Variants in ADGRL3 observed in about 807,000 individuals in gnomAD.
The protein encoded by ADGRL3 is calcium-independent alpha-latrotoxin receptor 3.
ADGRL3 carries 62 observed loss-of-function variants against 153.5 expected under a neutral mutation model. The ratio of observed to expected loss-of-function variants is 0.40; its 90% CI spans 0.33 to 0.50. The LOEUF (loss-of-function observed/expected upper bound fraction) is 0.50. ADGRL3 is among the 20% of genes least tolerant of loss of function. ADGRL3 has a pLI of 0.47. For missense variants in ADGRL3, 1,641 were observed against 1,859.4 expected (o/e 0.88, Z 2.16); for synonymous variants, 710 against 672.5 (o/e 1.06, Z -0.86).
chr4:61,810,174 A>C (rs530497875), intron 8 of ADGRL3, among the ~76,000 whole-genome samples: 2 of 152,204 alleles, frequency 1.3e-5, no homozygotes, highest in East Asian at 3.9e-4. Context: ...TTAATGTCTC[A>C]ACACACATGA....
chr4:61,279,730 A>T (rs1374925182), intron 1 of ADGRL3, among the ~76,000 whole-genome samples: 7 of 151,846 alleles, frequency 4.6e-5, no homozygotes, highest in African/African-American at 9.7e-5. Flanking sequence ...TTATGTATAT[A>T]TTTTTTCTCC....
At chr4:61,819,605 A>G (rs1329728261) in intron 9 of ADGRL3, among the ~76,000 whole-genome samples, 2 of 152,124 alleles carry the variant, frequency 1.3e-5, no homozygotes, top group Non-Finnish European at 2.9e-5. Context: ...TAGGAAAATC[A>G]TACTTAATTT....
At chr4:61,856,393 C>A (rs566974972) in intron 9 of ADGRL3, among the ~76,000 whole-genome samples, 7 of 142,480 alleles carry the variant, frequency 4.9e-5, no homozygotes, top group Non-Finnish European at 1.1e-4. Flanking sequence ...TCCTTCCTTT[C>A]TTGGAACTTG....
intron 5 of ADGRL3, among the ~76,000 whole-genome samples, chr4:61,670,443 A>G (rs6551642): frequency 0.99 from 151,186 of 152,266 alleles, 75,072 homozygotes; most frequent in Middle Eastern, 1. Context: ...ACACACAAGT[A>G]TGTTATAATC....
intron 4 of ADGRL3, among the ~76,000 whole-genome samples, chr4:61,557,049 A>G (rs561497790): frequency 6.6e-6 from 1 of 152,318 alleles, no homozygotes; most frequent in East Asian, 1.9e-4. Context: ...AATCTACAGC[A>G]AGATAAAGCC....
intron 1 of ADGRL3, among the ~76,000 whole-genome samples, chr4:61,363,370 G>C (rs1257978767): frequency 6.6e-6 from 1 of 151,282 alleles, no homozygotes; most frequent in Admixed American, 6.6e-5. Flanking sequence ...TAAATATTTG[G>C]TAGAGTTTGT....
At chr4:61,744,688 G>T (rs1252104335) in intron 8 of ADGRL3, among the ~76,000 whole-genome samples, 5 of 152,136 alleles carry the variant, frequency 3.3e-5, no homozygotes, top group African/African-American at 1.2e-4. Flanking sequence ...CAAACAGAAA[G>T]GACATCCACA....
At position 61,892,797 on chromosome 4, in the gene ADGRL3, C is replaced by T. The variant is rs751493984; in HGVS notation, c.1622C>T (p.Ala541Val). Residue 541 changes from alanine to valine, a missense_variant, in exon 10 of 27, where the codon GCT becomes GTT. By Grantham distance (64) the Ala-to-Val change is moderately conservative. Around this residue, in one of 5 missense-constraint regions of ADGRL3, gnomAD observed 734 missense variants for 797.0 expected, o/e 0.92. Coordinates refer to ENST00000683033, the MANE Select transcript of ADGRL3 (RefSeq NM_001387552.1). ...RNRSTSTPSPAVEVLDDMTTH... is the reference protein window; with the variant it reads ...RNRSTSTPSPVVEVLDDMTTH... ...CGGAGTACTAGTACCCCATCTCCAGCTGTCGAGGTACTTGATGACATGACC... is the reference window on the plus strand; with the variant it reads ...CGGAGTACTAGTACCCCATCTCCAGTTGTCGAGGTACTTGATGACATGACC... The T allele has an allele frequency of 1.2e-6, 2 of 1,613,884 alleles. No individual in the cohort carries two copies. Among genetic ancestry groups the T allele is most frequent in the Non-Finnish European group, 1.7e-6 (2 of 1,179,852 alleles).
intron 8 of ADGRL3, among the ~76,000 whole-genome samples, chr4:61,809,384 TA>T (rs1336287487): frequency 2.0e-5 from 3 of 152,146 alleles, no homozygotes; most frequent in Non-Finnish European, 4.4e-5. Context: ...ATAAATGGGT[TA>T]GGGGAAAAGC....
chr4:61,580,549 T>G (rs576631797), intron 4 of ADGRL3, among the ~76,000 whole-genome samples: 1 of 152,238 alleles, frequency 6.6e-6, no homozygotes, highest in African/African-American at 2.4e-5. Context: ...CTCTGTGGCT[T>G]AAAACAATAA....
chr4:61,836,325 C>T (rs915221135), intron 9 of ADGRL3, among the ~76,000 whole-genome samples: 3 of 151,978 alleles, frequency 2.0e-5, no homozygotes, highest in Non-Finnish European at 2.9e-5. Flanking sequence ...ATTGTCTGTA[C>T]TATGGAATAA....
chr4:61,793,004 G>C (rs962802369), intron 8 of ADGRL3, among the ~76,000 whole-genome samples: 2 of 151,840 alleles, frequency 1.3e-5, no homozygotes, highest in African/African-American at 4.8e-5. Context: ...AAGTTGATTG[G>C]AATCACAGTT....
intron 9 of ADGRL3, among the ~76,000 whole-genome samples, chr4:61,821,273 A>C (rs1282675864): frequency 6.6e-6 from 1 of 151,124 alleles, no homozygotes; most frequent in Non-Finnish European, 1.5e-5. Flanking sequence ...ATATTTTCCT[A>C]TATAAAAAAT....
At chr4:61,387,329 A>C (rs1201531389) in intron 2 of ADGRL3, among the ~76,000 whole-genome samples, 2 of 152,108 alleles carry the variant, frequency 1.3e-5, no homozygotes, top group Non-Finnish European at 2.9e-5. Context: ...TTGCTAATGA[A>C]GTTTTGGGCA....
At chr4:61,566,016 ATCGAT>A (rs2098814846) in intron 4 of ADGRL3, among the ~76,000 whole-genome samples, 1 of 152,214 alleles carries the variant, frequency 6.6e-6, no homozygotes, top group Admixed American at 6.5e-5. Flanking sequence ...TAAAATTATA[ATCGAT>A]TCAAGGAAAG....
At chr4:61,624,124 A>G (rs963764353) in intron 5 of ADGRL3, among the ~76,000 whole-genome samples, 2 of 152,202 alleles carry the variant, frequency 1.3e-5, no homozygotes, top group African/African-American at 4.8e-5. Flanking sequence ...GATTTGCTGA[A>G]TGGATTCAAG....
chr4:61,247,045 G>T (rs887893346), intron 1 of ADGRL3, among the ~76,000 whole-genome samples: 1 of 152,028 alleles, frequency 6.6e-6, no homozygotes, highest in Non-Finnish European at 1.5e-5. Flanking sequence ...GTGAGATTGA[G>T]ATTTTTTTAA....
At chr4:62,056,826 C>G (rs900310565) in intron 25 of ADGRL3, among the ~76,000 whole-genome samples, 28 of 151,954 alleles carry the variant, frequency 1.8e-4, no homozygotes, top group African/African-American at 6.8e-4. Flanking sequence ...CAGAGTAAAA[C>G]TATTTTATTA....
chr4:61,560,676 A>C (rs1027360730), intron 4 of ADGRL3, among the ~76,000 whole-genome samples: 4 of 151,974 alleles, frequency 2.6e-5, no homozygotes, highest in African/African-American at 9.7e-5. Context: ...CCTTCCTTTA[A>C]AGAAATGGAG....
Sources: allele counts gnomAD v4.1 joint callset (sites outside exome capture counted in the v4.1 genomes callset), GRCh38; gene constraint gnomAD v4.1.1; regional missense constraint gnomAD v4.1.1; transcripts MANE v1.5; gene names NCBI Gene and HGNC (gene_info 2026-07-23, HGNC 2026-07-21).